Variants in FRMPD4 observed in about 807,000 individuals in gnomAD.
FRMPD4 encodes the protein FERM and PDZ domain containing 4, also known as FERM and PDZ domain-containing protein 4.
In FRMPD4, 22 loss-of-function variants were observed where a neutral mutation model predicts 94.1. The ratio of observed to expected loss-of-function variants is 0.23; its 90% CI spans 0.17 to 0.33. The LOEUF is 0.33. Among genes scored for constraint, FRMPD4 ranks in the 10% least tolerant of loss-of-function variants. The pLI is 1.00. For synonymous variants in FRMPD4, 631 were observed against 548.6 expected (o/e 1.15, Z -2.10); for missense variants, 1,111 against 1,339.9 (o/e 0.83, Z 2.67).
At chrX:12,383,963 T>C (rs2056362616) in intron 1 of FRMPD4, among the ~76,000 whole-genome samples, 1 of 111,036 alleles carries the variant, frequency 9.0e-6, no homozygotes, top group Admixed American at 9.6e-5. Flanking sequence ...CCCAGGGAGA[T>C]GAAAGGATTG....
intron 3 of FRMPD4, among the ~76,000 whole-genome samples, chrX:12,083,194 G>C (rs1296573901): frequency 8.9e-6 from 1 of 112,684 alleles, no homozygotes; most frequent in African/African-American, 3.2e-5. Context: ...CCAGGCCCAG[G>C]GTTCCCATGC....
intron 3 of FRMPD4, among the ~76,000 whole-genome samples, chrX:11,907,084 TTAA>T (rs1463559464): frequency 5.4e-5 from 6 of 111,109 alleles, no homozygotes; most frequent in African/African-American, 1.6e-4. Flanking sequence ...AACATTAATA[TTAA>T]TATTTAATAT....
chrX:11,839,688 T>A (rs899830382), intron 1 of FRMPD4, among the ~76,000 whole-genome samples: 5 of 111,816 alleles, frequency 4.5e-5, no homozygotes, highest in Non-Finnish European at 9.4e-5. Context: ...CATTTAGGTC[T>A]AGGATATACT....
chrX:12,561,858 A>G (rs955700641), intron 2 of FRMPD4, among the ~76,000 whole-genome samples: 1 of 112,353 alleles, frequency 8.9e-6, no homozygotes, highest in African/African-American at 3.2e-5. Context: ...GGGGATAGCA[A>G]TAGATCTAAT....
intron 2 of FRMPD4, among the ~76,000 whole-genome samples, chrX:12,545,576 G>C (rs145595089): frequency 8.5e-4 from 96 of 112,883 alleles, no homozygotes; most frequent in African/African-American, 2.8e-3. Flanking sequence ...ATTCAAATGG[G>C]CATAACTCTT....
chrX:12,415,979 G>A (rs1432594217), intron 1 of FRMPD4, among the ~76,000 whole-genome samples: 2 of 112,330 alleles, frequency 1.8e-5, no homozygotes, highest in African/African-American at 6.5e-5. Context: ...CCTTTGGGCA[G>A]CACATAAGAT....
chrX:12,382,880 C>G (rs751599096), intron 1 of FRMPD4, among the ~76,000 whole-genome samples: 1 of 112,379 alleles, frequency 8.9e-6, no homozygotes, highest in South Asian at 3.7e-4. Flanking sequence ...ATCTTGTACA[C>G]TGCTTTCTCC....
At chrX:11,860,732 A>G (rs1334222996) in intron 1 of FRMPD4, among the ~76,000 whole-genome samples, 1 of 112,130 alleles carries the variant, frequency 8.9e-6, no homozygotes, top group African/African-American at 3.2e-5. Flanking sequence ...AAAGAAATAA[A>G]CATTTTGTAA....
At chrX:11,996,985 A>G (rs2054499819) in intron 3 of FRMPD4, among the ~76,000 whole-genome samples, 2 of 111,785 alleles carry the variant, frequency 1.8e-5, no homozygotes, top group South Asian at 3.7e-4. Context: ...AAAATGAAGC[A>G]TAGACAGAGT....
chrX:12,151,468 A>C (rs934559762), intron 1 of FRMPD4, among the ~76,000 whole-genome samples: 6 of 111,767 alleles, frequency 5.4e-5, no homozygotes, highest in African/African-American at 1.6e-4. Context: ...CAAAAATGCT[A>C]AAAGAATAAC....
At chrX:12,151,239 A>G (rs2055846368) in intron 1 of FRMPD4, among the ~76,000 whole-genome samples, 1 of 111,495 alleles carries the variant, frequency 9.0e-6, no homozygotes, top group South Asian at 3.8e-4. Flanking sequence ...GATGGAACAT[A>G]TATTTTTTCT....
chrX:11,935,182 GCAAA>G (rs1219251387), intron 3 of FRMPD4, among the ~76,000 whole-genome samples: 9 of 48,697 alleles, frequency 1.8e-4, no homozygotes, highest in Non-Finnish European at 4.0e-4. Context: ...TTTGACACAT[GCAAA>G]CAGCCATGAA....
chrX:11,987,097 T>TCAAAAA (rs1569137639), intron 3 of FRMPD4, among the ~76,000 whole-genome samples: 16 of 14,649 alleles, frequency 1.1e-3, no homozygotes, highest in African/African-American at 7.1e-3. Context: ...CAAAGACACA[T>TCAAAAA]TAAAAAAAAA....
At chrX:12,576,778 T>C (rs2058816055) in intron 2 of FRMPD4, among the ~76,000 whole-genome samples, 2 of 112,302 alleles carry the variant, frequency 1.8e-5, no homozygotes, top group South Asian at 7.4e-4. Context: ...TTTAGCACAT[T>C]GTTTATAAAC....
At chrX:12,191,012 AAGAAC>A (rs1435073403) in intron 1 of FRMPD4, among the ~76,000 whole-genome samples, 1 of 78,772 alleles carries the variant, frequency 1.3e-5, no homozygotes, top group African/African-American at 4.5e-5. Flanking sequence ...ATATTTGATA[AAGAAC>A]TGTTATCCAA....
At chrX:12,304,702 G>A (rs1338751890) in intron 1 of FRMPD4, among the ~76,000 whole-genome samples, 5 of 111,553 alleles carry the variant, frequency 4.5e-5, no homozygotes, top group Non-Finnish European at 9.4e-5. Flanking sequence ...AGCCCTTCCC[G>A]TCACTCATTC....
chrX:11,964,676 A>T (rs2054301200), intron 3 of FRMPD4, among the ~76,000 whole-genome samples: 1 of 112,158 alleles, frequency 8.9e-6, no homozygotes, highest in Non-Finnish European at 1.9e-5. Flanking sequence ...GACAATTATT[A>T]CTGTAGATTT....
intron 1 of FRMPD4, among the ~76,000 whole-genome samples, chrX:12,164,354 A>G (rs1388721744): frequency 9.0e-6 from 1 of 111,573 alleles, no homozygotes. Context: ...AGCTTCATCC[A>G]TGTCCCTACA....
intron 2 of FRMPD4, among the ~76,000 whole-genome samples, chrX:11,873,009 T>A (rs1000864287): frequency 5.3e-4 from 60 of 112,264 alleles, no homozygotes; most frequent in Non-Finnish European, 1.1e-4. Context: ...AAATTCCATA[T>A]GACCCAGCAA....
Sources: gnomAD v4.1 joint callset for allele counts (sites outside exome capture counted in the v4.1 genomes callset) on GRCh38, gnomAD v4.1.1 for gene constraint, MANE v1.5 for transcripts, NCBI Gene and HGNC (gene_info 2026-07-23, HGNC 2026-07-21) for gene names.